ADGRV1: variants seen among roughly 807,000 people sequenced by gnomAD.
The protein encoded by ADGRV1 is adhesion G protein-coupled receptor V1, also known as G-protein coupled receptor 98.
In ADGRV1, 359 loss-of-function variants were observed where a neutral mutation model predicts 596.2. The ratio of observed to expected loss-of-function variants is 0.60; its 90% CI spans 0.55 to 0.66. ADGRV1 has a LOEUF of 0.66. ADGRV1 is among the 30% of genes least tolerant of loss of function. The pLI, the probability that ADGRV1 is intolerant of heterozygous loss-of-function variation, is 0.00. For missense variants in ADGRV1, 7,274 were observed against 7,575.6 expected, an observed-to-expected ratio of 0.96 and a Z score of 1.48; for synonymous variants, 2,681 against 2,679.2, an observed-to-expected ratio of 1.00 and a Z score of -0.02.
Position 90,781,554 on chromosome 5 carries a change from G to T in ADGRV1, c.13207G>T (p.Asp4403Tyr). The change falls in exon 65 of 90, where the codon GAC (aspartate) becomes TAC (tyrosine). Residue 4403 changes from aspartate to tyrosine, a missense_variant. Asp to Tyr is a radical substitution (Grantham distance 160). Around this residue, in one of 5 missense-constraint regions of ADGRV1, gnomAD observed 3,643 missense variants for 3,809.2 expected, o/e 0.96. Coordinates refer to ENST00000405460, the MANE Select transcript of ADGRV1 (RefSeq NM_032119.4). ...NDNAEGIIEF[D>Y]PKYTAFEVEE... ...TAACGCAGAAGGCATCATTGAATTT[G>T]ACCCAAAGTATACTGCCTTCGAAGG... The T allele has an allele frequency of 6.2e-7, 1 of 1,610,276 alleles. No homozygotes were observed. Among genetic ancestry groups the T allele is most frequent in the South Asian group, 1.1e-5 (1 of 90,586 alleles).
chr5:90,731,786 A>G (rs1185345933), intron 50 of ADGRV1, among the ~76,000 whole-genome samples: 1 of 152,196 alleles, frequency 6.6e-6, no homozygotes, highest in African/African-American at 2.4e-5. Context: ...ATCTATTCAT[A>G]TTTATTGTGT....
chr5:90,702,198 G>T (rs1008651287), intron 34 of ADGRV1, among the ~76,000 whole-genome samples: 8 of 151,612 alleles, frequency 5.3e-5, no homozygotes, highest in Non-Finnish European at 1.0e-4. Flanking sequence ...TCTATATTTT[G>T]TTCACAAGTT....
chr5:90,957,861 A>G (rs949933184), intron 83 of ADGRV1, among the ~76,000 whole-genome samples: 1 of 151,740 alleles, frequency 6.6e-6, no homozygotes, highest in African/African-American at 2.4e-5. Flanking sequence ...TATACTACCA[A>G]CCAATGTCTT....
chr5:90,627,751 A>G lies in ADGRV1; in HGVS notation c.1213A>G (p.Ile405Val), dbSNP rs755737319. 1.3e-5 allele frequency: 20 copies of G among 1,555,518 alleles called. No homozygotes were observed. Among genetic ancestry groups the G allele is most frequent in the Non-Finnish European group, 1.7e-5 (20 of 1,149,672 alleles). ...CAGTGTTTTGTTTGAAAGGACAGTTATAATTGATGAAGATAGAATATCAAG... is the reference window on the plus strand; with the variant it reads ...CAGTGTTTTGTTTGAAAGGACAGTTGTAATTGATGAAGATAGAATATCAAG... ...FNSVLFERTV[I>V]IDEDRISRYE... is the part of the protein sequence containing the mutation. Residue 405 changes from isoleucine (I) to valine (V), a missense_variant, in exon 7 of 90, where the codon ATA becomes GTA. This residue lies in a region of ADGRV1 where 1,715 missense variants were observed against 1,708.8 expected (regional missense o/e 1.00). Coordinates refer to ENST00000405460, the MANE Select transcript of ADGRV1 (RefSeq NM_032119.4).
intron 86 of ADGRV1, among the ~76,000 whole-genome samples, chr5:91,080,187 G>A (rs1167515652): frequency 6.6e-6 from 1 of 152,046 alleles, no homozygotes; most frequent in East Asian, 1.9e-4. Flanking sequence ...TCAATGTGCT[G>A]GGGTCATTTC....
chr5:90,790,853 GT>G lies in ADGRV1; in HGVS notation c.14044-13del, dbSNP rs1759992317. On this transcript the variant is annotated intron_variant, in intron 69 of 89. Coordinates refer to ENST00000405460, the MANE Select transcript of ADGRV1 (RefSeq NM_032119.4). ...ATACTGAATTATATAACTTTGTTGA[GT>G]TTTTTTCTTTTATTTTAGGTTTACT... 2.0e-6 allele frequency: 3 copies of G among 1,523,078 alleles called. No homozygotes were observed. 94.3% of individuals were successfully genotyped at this position (1,523,078 alleles called of 1,614,324 possible).
At position 90,558,876 on chromosome 5, in the gene ADGRV1, G is replaced by A. The variant is rs1472209903; in HGVS notation, c.-20G>A. The A allele has an allele frequency of 3.2e-6, 5 of 1,559,794 alleles. No individual in the cohort carries two copies. Among genetic ancestry groups the A allele is most frequent in the Non-Finnish European group, 4.3e-6 (5 of 1,151,090 alleles). On this transcript the variant is annotated 5_prime_UTR_variant, in exon 1 of 90. Coordinates refer to ENST00000405460, the MANE Select transcript of ADGRV1 (RefSeq NM_032119.4). The stretch of plus-strand genomic sequence containing the variant: ...GCGAGGGTGTGTGGAGGGCCGGCGG[G>A]GACCGCCGGGAGCGCGCGGATGTCG...
At chr5:91,055,877 A>G (rs1376790935) in intron 85 of ADGRV1, among the ~76,000 whole-genome samples, 2 of 152,238 alleles carry the variant, frequency 1.3e-5, no homozygotes, top group Non-Finnish European at 2.9e-5. Context: ...TTTATTAATC[A>G]AAATAGAATC....
intron 84 of ADGRV1, among the ~76,000 whole-genome samples, chr5:90,966,993 A>G (rs1367045339): frequency 6.6e-6 from 1 of 152,134 alleles, no homozygotes; most frequent in African/African-American, 2.4e-5. Flanking sequence ...GTGGGACTTG[A>G]TGATGTAGCA....
chr5:91,048,923 A>G (rs896541758), intron 85 of ADGRV1, among the ~76,000 whole-genome samples: 1 of 152,170 alleles, frequency 6.6e-6, no homozygotes, highest in Non-Finnish European at 1.5e-5. Context: ...ATTTGACTCT[A>G]GTTACTTTGC....
chr5:90,563,030 C>T (rs1298465307), intron 1 of ADGRV1, among the ~76,000 whole-genome samples: 1 of 152,154 alleles, frequency 6.6e-6, no homozygotes, highest in Non-Finnish European at 1.5e-5. Context: ...TTAATCCAAC[C>T]ATCTGTTCGC....
chr5:91,142,310 G>T (rs989507176), intron 87 of ADGRV1, among the ~76,000 whole-genome samples: 10 of 152,136 alleles, frequency 6.6e-5, no homozygotes, highest in African/African-American at 2.4e-4. Context: ...ACTGGACATG[G>T]TCTCTTACTT....
Position 90,706,229 on chromosome 5 carries a change from A to T in ADGRV1, c.8567-2A>T. ...AAACATTTTTGCAACCTATTCAATT[A>T]GGAGCTATCAATGTCACATATACCA... On this transcript the variant is annotated splice_acceptor_variant, in intron 37 of 89. Coordinates refer to ENST00000405460, the MANE Select transcript of ADGRV1 (RefSeq NM_032119.4). LOFTEE classifies it high-confidence loss of function. 1 of 1,599,640 alleles carries T rather than the reference A, an allele frequency of 6.3e-7. No homozygotes were observed. The highest frequency in any genetic ancestry group is 8.5e-7 in the Non-Finnish European group (1 of 1,175,740).
Position 90,735,358 on chromosome 5 carries a change from A to G in ADGRV1, c.10549+5594A>G, listed in dbSNP as rs193106785. Among the ~76,000 whole-genome samples, 241 of 152,242 alleles carry G rather than the reference A, an allele frequency of 1.6e-3. 1 individual carries two copies. The highest frequency in any genetic ancestry group is 5.6e-3 in the African/African-American group (231 of 41,554). Reference sequence around the variant, plus strand: ...AGTTAATATCTGGGCTTTCTATCCTATCCCATTTGATCAGTCAGTCTGTTT... The same window carrying G: ...AGTTAATATCTGGGCTTTCTATCCTGTCCCATTTGATCAGTCAGTCTGTTT... On this transcript the variant is annotated intron_variant, in intron 50 of 89. Transcript: ENST00000405460.
chr5:90,671,310 T>C (rs572188853), intron 21 of ADGRV1, among the ~76,000 whole-genome samples: 10 of 152,320 alleles, frequency 6.6e-5, no homozygotes, highest in African/African-American at 2.4e-4. Flanking sequence ...GGATTAGAAA[T>C]TCTGGTTCTG....
At chr5:90,719,902 A>G in intron 43 of ADGRV1, 146 bp from the exon 44 acceptor site, 1 of 648,764 alleles carries the variant, frequency 1.5e-6, no homozygotes, top group Non-Finnish European at 2.7e-6. Flanking sequence ...TAACCATCAC[A>G]TTATAGGAAT....
chr5:90,574,860 C>T (rs1756998270), intron 1 of ADGRV1, among the ~76,000 whole-genome samples: 1 of 152,116 alleles, frequency 6.6e-6, no homozygotes, highest in Non-Finnish European at 1.5e-5. Context: ...TCTAGATTTT[C>T]TAATTTGAGT....
chr5:91,069,499 T>C (rs907851612), intron 85 of ADGRV1, among the ~76,000 whole-genome samples: 2 of 152,066 alleles, frequency 1.3e-5, no homozygotes, highest in South Asian at 2.1e-4. Flanking sequence ...CCAACAAACA[T>C]ATGATAAAAT....
At chr5:91,021,741 A>C (rs1976565) in intron 85 of ADGRV1, among the ~76,000 whole-genome samples, 108,394 of 151,934 alleles carry the variant, frequency 0.71, 39,182 homozygotes, top group African/African-American at 0.84. Context: ...GGCACAGACA[A>C]ACAGTGATCC....
Sources: gnomAD v4.1 joint callset for allele counts (sites outside exome capture counted in the v4.1 genomes callset) on GRCh38, gnomAD v4.1.1 for gene constraint, gnomAD v4.1.1 regional missense constraint, MANE v1.5 for transcripts, NCBI Gene and HGNC (gene_info 2026-07-23, HGNC 2026-07-21) for gene names.